Variants in AGBL4 observed in about 807,000 individuals in gnomAD.
AGBL4 encodes AGBL carboxypeptidase 4.
Under a neutral mutation model 66.4 loss-of-function variants are expected in AGBL4, and 58 were observed. That is an observed-to-expected ratio of 0.87 (90% CI 0.71 to 1.09). The LOEUF (loss-of-function observed/expected upper bound fraction) is 1.09, where lower values mean the gene tolerates loss of function less well. Ranked by LOEUF, AGBL4 falls within the 50% of genes least tolerant of loss-of-function variation. The pLI is 0.00. For missense variants in AGBL4, 579 were observed against 631.0 expected (o/e 0.92, Z 0.88); for synonymous variants, 234 against 222.9 (o/e 1.05, Z -0.44).
chr1:49,517,342 G>A (rs779279237), intron 3 of AGBL4, among the ~76,000 whole-genome samples: 1 of 151,578 alleles, frequency 6.6e-6, no homozygotes, highest in Non-Finnish European at 1.5e-5. Flanking sequence ...GTATTACCAG[G>A]GTAGAAATGG....
chr1:49,743,214 C>A (rs1367252817), intron 2 of AGBL4, among the ~76,000 whole-genome samples: 1 of 152,074 alleles, frequency 6.6e-6, no homozygotes, highest in Non-Finnish European at 1.5e-5. Flanking sequence ...AAGAAAAAAA[C>A]AAACAACCCC....
At chr1:49,241,204 C>A (rs185644181) in intron 4 of AGBL4, among the ~76,000 whole-genome samples, 3 of 152,184 alleles carry the variant, frequency 2.0e-5, no homozygotes, top group East Asian at 3.9e-4. Flanking sequence ...TCTAAACTGC[C>A]AATCTGATCA....
intron 3 of AGBL4, among the ~76,000 whole-genome samples, chr1:49,554,632 T>C (rs911135929): frequency 2.0e-5 from 3 of 152,152 alleles, no homozygotes; most frequent in Admixed American, 6.5e-5. Context: ...CTCCATCAAT[T>C]GTCCCGCCCA....
At chr1:49,679,574 A>G (rs981263153) in intron 3 of AGBL4, among the ~76,000 whole-genome samples, 4 of 152,044 alleles carry the variant, frequency 2.6e-5, no homozygotes, top group Non-Finnish European at 5.9e-5. Flanking sequence ...GGAATTATGC[A>G]TATGTTAGGG....
chr1:48,812,682 T>A (rs961444966), intron 6 of AGBL4, among the ~76,000 whole-genome samples: 1 of 152,198 alleles, frequency 6.6e-6, no homozygotes, highest in Non-Finnish European at 1.5e-5. Flanking sequence ...GCGGCACTAT[T>A]CACAACAGCA....
rs956427079 is a variant in AGBL4, at chr1:49,521,295, C to T, written c.282+176018G>A. ...TCATATGGTACAAAAAAGAGCCTGA[C>T]TAGTAAAAGCAATCCTAAGTAAAAA... On this transcript the variant is annotated intron_variant, in intron 3 of 13. Transcript: ENST00000371839. Among the ~76,000 whole-genome samples the T allele has an allele frequency of 1.3e-4, 19 of 151,968 alleles. No homozygotes were observed. The South Asian group carries it at 2.1e-3, about 17-fold the overall frequency.
intron 11 of AGBL4, among the ~76,000 whole-genome samples, chr1:48,568,779 G>GTC (rs1644515224): frequency 6.6e-6 from 1 of 152,100 alleles, no homozygotes; most frequent in African/African-American, 2.4e-5. Context: ...AGTCATCCCT[G>GTC]TCTAAGGCAG....
intron 2 of AGBL4, among the ~76,000 whole-genome samples, chr1:49,826,534 G>T (rs1557485500): frequency 6.6e-6 from 1 of 152,188 alleles, no homozygotes; most frequent in Non-Finnish European, 1.5e-5. Flanking sequence ...TGATGACAAA[G>T]CAAGGAACCA....
At chr1:49,649,504 T>G (rs2124440863) in intron 3 of AGBL4, among the ~76,000 whole-genome samples, 1 of 152,258 alleles carries the variant, frequency 6.6e-6, no homozygotes, top group South Asian at 2.1e-4. Flanking sequence ...AGAAACAGAT[T>G]GATCCACTAT....
chr1:48,685,581 G>T (rs894294343), intron 6 of AGBL4, among the ~76,000 whole-genome samples: 1 of 152,088 alleles, frequency 6.6e-6, no homozygotes, highest in African/African-American at 2.4e-5. Flanking sequence ...TCCTAGCTGT[G>T]CAGCCTTTGA....
At chr1:49,771,671 ACTC>A (rs1483844698) in intron 2 of AGBL4, among the ~76,000 whole-genome samples, 1 of 151,814 alleles carries the variant, frequency 6.6e-6, no homozygotes, top group Non-Finnish European at 1.5e-5. Flanking sequence ...GCATTTTTGT[ACTC>A]CTATGTTCAG....
At chr1:48,715,666 A>G in intron 6 of AGBL4, among the ~76,000 whole-genome samples, 1 of 147,856 alleles carries the variant, frequency 6.8e-6, no homozygotes, top group South Asian at 2.2e-4. Flanking sequence ...TAATTTAATA[A>G]CCACAAATGC....
chr1:49,354,674 G>A (rs1247421955), intron 3 of AGBL4, among the ~76,000 whole-genome samples: 1 of 152,136 alleles, frequency 6.6e-6, no homozygotes, highest in Non-Finnish European at 1.5e-5. Context: ...AAATGATTAT[G>A]ATGTATAATT....
intron 3 of AGBL4, among the ~76,000 whole-genome samples, chr1:49,675,799 CA>C (rs1298482947): frequency 1.3e-5 from 2 of 152,158 alleles, no homozygotes. Flanking sequence ...AAGCCTCCTC[CA>C]GGGGGGATCC....
At chr1:49,351,253 T>C (rs948029317) in intron 3 of AGBL4, among the ~76,000 whole-genome samples, 1 of 152,162 alleles carries the variant, frequency 6.6e-6, no homozygotes, top group South Asian at 2.1e-4. Context: ...ACAATGACTT[T>C]AGTAACTTAG....
At chr1:49,927,678 C>CAA (rs199530205) in intron 1 of AGBL4, among the ~76,000 whole-genome samples, 5 of 109,956 alleles carry the variant, frequency 4.5e-5, no homozygotes, top group African/African-American at 1.6e-4. Context: ...TCAGAGGAGA[C>CAA]AAAAAAAAAA....
intron 5 of AGBL4, among the ~76,000 whole-genome samples, chr1:48,939,629 C>T (rs181913155): frequency 6.6e-6 from 1 of 152,248 alleles, no homozygotes; most frequent in Admixed American, 6.5e-5. Context: ...CTATCCCTGA[C>T]GCAACTGAAT....
chr1:49,570,155 C>T (rs1228193110), intron 3 of AGBL4, among the ~76,000 whole-genome samples: 1 of 151,922 alleles, frequency 6.6e-6, no homozygotes, highest in Non-Finnish European at 1.5e-5. Context: ...ATGCTTCATA[C>T]TTTTTTTTCC....
chr1:49,443,394 T>C (rs1646080576), intron 3 of AGBL4, among the ~76,000 whole-genome samples: 1 of 152,138 alleles, frequency 6.6e-6, no homozygotes, highest in Non-Finnish European at 1.5e-5. Context: ...ATTTTTATAA[T>C]TTCAGATCTT....
Sources: allele counts gnomAD v4.1 joint callset (sites outside exome capture counted in the v4.1 genomes callset), GRCh38; gene constraint gnomAD v4.1.1; transcripts MANE v1.5; gene names NCBI Gene and HGNC (gene_info 2026-07-23, HGNC 2026-07-21).